USP43: variants seen among roughly 807,000 people sequenced by gnomAD.
The protein encoded by USP43 is ubiquitin carboxyl-terminal hydrolase 43.
USP43 carries 33 observed loss-of-function variants against 90.7 expected under a neutral mutation model. That is an observed-to-expected ratio of 0.36 (90% CI 0.28 to 0.49). The LOEUF is 0.49. Among genes scored for constraint, USP43 ranks in the 20% least tolerant of loss-of-function variants. The probability of loss-of-function intolerance (pLI) is 0.98; values close to 1 mark genes in which losing one functional copy is unlikely to be tolerated. For missense variants in USP43, 1,274 were observed against 1,476.4 expected, an observed-to-expected ratio of 0.86 and a Z score of 2.25; for synonymous variants, 598 against 615.8, an observed-to-expected ratio of 0.97 and a Z score of 0.43.
At position 9,728,677 on chromosome 17, in the gene USP43, T is replaced by C. The variant is rs116015543; in HGVS notation, c.3059T>C (p.Val1020Ala). 2,043 of 1,612,806 alleles carry C rather than the reference T, an allele frequency of 1.3e-3. 19 individuals carry two copies. In the African/African-American group the frequency reaches 0.018, roughly 14 times the overall value. ...GAGAGGGCAGAGGTCTCTCCACAGG[T>C]GCCCCCCGTCTCCCTGGTGAGTGGC... is the stretch of plus-strand genomic sequence containing the variant. ...RNERAEVSPQ[V>A]PPVSLVSGGL... The change falls in exon 15 of 15, where the codon GTG becomes GCG. Residue 1020 changes from valine (V) to alanine (A), a missense_variant. Val to Ala is a moderately conservative substitution (Grantham distance 64). This residue lies in a region of USP43 where 353 missense variants were observed against 329.7 expected (regional missense o/e 1.07). Transcript: ENST00000285199. The surrounding 1 kb of genome is among the most constrained non-coding windows in gnomAD (Gnocchi z 6.2).
chr17:9,681,170 ATAC>A (rs1914177262), intron 6 of USP43, among the ~76,000 whole-genome samples: 1 of 99,628 alleles, frequency 1.0e-5, no homozygotes, highest in African/African-American at 4.9e-5. Context: ...TATATAATAT[ATAC>A]TATATAATAT....
chr17:9,729,127 G>A lies in USP43; in HGVS notation c.*137G>A, dbSNP rs895747594. The A allele has an allele frequency of 2.6e-6, 2 of 761,706 alleles. No homozygotes were observed. Among genetic ancestry groups the A allele is most frequent in the African/African-American group, 1.8e-5 (1 of 54,918 alleles). 47.2% of individuals were successfully genotyped at this position (761,706 alleles called of 1,614,324 possible). ...AAAAAAAAATTTTTTTTTTTTTGTG[G>A]TGGGGGGTCTCCATATCTAGACTTC... is the stretch of plus-strand genomic sequence containing the variant. On this transcript the variant is annotated 3_prime_UTR_variant, in exon 15 of 15. Transcript: ENST00000285199.
intron 9 of USP43, among the ~76,000 whole-genome samples, chr17:9,693,642 T>C (rs901571148): frequency 6.6e-6 from 1 of 151,946 alleles, no homozygotes; most frequent in African/African-American, 2.4e-5. Context: ...TTGAGACCAG[T>C]CTGGCCAACA....
At chr17:9,663,508 G>A (rs1182464320) in intron 2 of USP43, among the ~76,000 whole-genome samples, 1 of 152,072 alleles carries the variant, frequency 6.6e-6, no homozygotes, top group Non-Finnish European at 1.5e-5. Flanking sequence ...ATGTTGGCCG[G>A]GCTGGTCTTG....
chr17:9,651,062 A>G (rs1011197504), intron 1 of USP43, among the ~76,000 whole-genome samples: 1 of 152,144 alleles, frequency 6.6e-6, no homozygotes, highest in African/African-American at 2.4e-5. Flanking sequence ...ATCATCTTCT[A>G]AACTTGCAAA....
intron 3 of USP43, among the ~76,000 whole-genome samples, chr17:9,668,104 A>G (rs1913165210): frequency 6.6e-6 from 1 of 152,140 alleles, no homozygotes. Flanking sequence ...GTTCTCTATT[A>G]TGGATACCAA....
At chr17:9,711,880 G>A (rs543255438) in intron 13 of USP43, 88 bp from the exon 14 acceptor site, 127 of 1,373,750 alleles carry the variant, frequency 9.2e-5, no homozygotes, top group East Asian at 2.5e-4. Flanking sequence ...GGATGGGGCC[G>A]GAATGGGGAT....
At chr17:9,658,909 G>C (rs1268054560) in intron 2 of USP43, among the ~76,000 whole-genome samples, 2 of 152,278 alleles carry the variant, frequency 1.3e-5, no homozygotes, top group African/African-American at 4.8e-5. Flanking sequence ...CAATGCTCAT[G>C]TAGTCTTTAG....
At chr17:9,693,560 G>C (rs1310983140) in intron 9 of USP43, among the ~76,000 whole-genome samples, 1 of 152,096 alleles carries the variant, frequency 6.6e-6, no homozygotes, top group Non-Finnish European at 1.5e-5. Flanking sequence ...ATTCAGCCAG[G>C]CATGGTGGTT....
At chr17:9,681,205 A>AGT (rs1303101725) in intron 6 of USP43, among the ~76,000 whole-genome samples, 1 of 61,524 alleles carries the variant, frequency 1.6e-5, no homozygotes, top group African/African-American at 9.7e-5. Context: ...TATACTATAT[A>AGT]ATATATACAT....
At chr17:9,706,591 A>G (rs150352824) in intron 12 of USP43, among the ~76,000 whole-genome samples, 256 of 149,566 alleles carry the variant, frequency 1.7e-3, no homozygotes, top group Non-Finnish European at 3.0e-3. Flanking sequence ...GGAAAAGCCA[A>G]TCTTGTTCCT....
intron 3 of USP43, among the ~76,000 whole-genome samples, chr17:9,670,371 G>A (rs1048282623): frequency 6.6e-6 from 1 of 152,194 alleles, no homozygotes; most frequent in Non-Finnish European, 1.5e-5. Context: ...GCAATGCAGG[G>A]AGGCAAGAGG....
Position 9,680,376 on chromosome 17 carries a change from G to A in USP43, c.1105+10G>A, listed in dbSNP as rs1444807514. 9 of 1,613,300 alleles carry A rather than the reference G, an allele frequency of 5.6e-6. No individual in the cohort carries two copies. The South Asian group carries it at 9.9e-5, about 18-fold the overall frequency. ...CAGGGGACTCTCTCAGGTATAACAG[G>A]TGCTTTGCACAATTTTATTTGGCTA... On this transcript the variant is annotated intron_variant, in intron 6 of 14. Coordinates refer to ENST00000285199, the MANE Select transcript of USP43 (RefSeq NM_153210.5).
At position 9,689,105 on chromosome 17, in the gene USP43, C is replaced by T. The variant is rs1383197230; in HGVS notation, c.1353+2196C>T. Among the ~76,000 whole-genome samples the T allele has an allele frequency of 2.0e-5, 3 of 151,844 alleles. No homozygotes were observed. The East Asian group carries it at 5.8e-4, about 29-fold the overall frequency. The stretch of plus-strand genomic sequence containing the variant: ...ACAGATTCACGGGTGAATGTATGGT[C>T]AGACATGCTTTTCTGTAGGAGTAAT... On this transcript the variant is annotated intron_variant, in intron 8 of 14. Transcript: ENST00000285199.
At chr17:9,707,313 C>A (rs1915939236) in intron 12 of USP43, among the ~76,000 whole-genome samples, 1 of 151,950 alleles carries the variant, frequency 6.6e-6, no homozygotes, top group African/African-American at 2.4e-5. Flanking sequence ...TGTGATATAC[C>A]TTGGTCCATT....
intron 1 of USP43, among the ~76,000 whole-genome samples, chr17:9,650,392 A>G (rs1161142102): frequency 6.6e-6 from 1 of 152,010 alleles, no homozygotes; most frequent in Non-Finnish European, 1.5e-5. Flanking sequence ...ACTTTTAAAT[A>G]TTGAGTTTTT....
At chr17:9,655,197 C>G (rs534221665) in intron 1 of USP43, among the ~76,000 whole-genome samples, 1 of 148,318 alleles carries the variant, frequency 6.7e-6, no homozygotes, top group East Asian at 2.0e-4. Context: ...CAGGCATGAA[C>G]AGAGAACAGA....
rs770178708 is a variant in USP43 at position 9,682,780 on chromosome 17, G to T, written c.1106-43G>T. On this transcript the variant is annotated intron_variant, in intron 6 of 14. Coordinates refer to ENST00000285199, the MANE Select transcript of USP43 (RefSeq NM_153210.5). ...GCTAAGGCTCTGACCCAGGAAAGCA[G>T]CTCCTTTAGGAATATGAACAAATGT... The T allele has an allele frequency of 2.5e-6, 4 of 1,597,582 alleles. No homozygotes were observed. The Admixed American group carries it at 6.8e-5, about 27-fold the overall frequency.
Position 9,661,547 on chromosome 17 carries a change from A to G in USP43, c.636+5013A>G, listed in dbSNP as rs549218319. Among the ~76,000 whole-genome samples the G allele has an allele frequency of 2.6e-5, 4 of 152,116 alleles. No individual in the cohort carries two copies. The East Asian group carries it at 7.8e-4, about 29-fold the overall frequency. ...CTTAATTTTTTAGTTTTGTGGATAC[A>G]AGGTCTCACTATGTTGTCCAGGCTG... On this transcript the variant is annotated intron_variant, in intron 2 of 14. Transcript: ENST00000285199.
Sources: gnomAD v4.1 joint callset for allele counts (sites outside exome capture counted in the v4.1 genomes callset) on GRCh38, gnomAD v4.1.1 for gene constraint, gnomAD v4.1.1 regional missense constraint, Gnocchi (gnomAD v3.1) non-coding constraint, MANE v1.5 for transcripts, NCBI Gene and HGNC (gene_info 2026-07-23, HGNC 2026-07-21) for gene names.